FAM170A: variants seen among roughly 807,000 people sequenced by gnomAD.
FAM170A encodes family with sequence similarity 170 member A, also known as protein FAM170A.
A neutral mutation model predicts 36.6 loss-of-function variants in FAM170A; 28 were observed. The ratio of observed to expected loss-of-function variants is 0.76; its 90% CI spans 0.57 to 1.05. The LOEUF is 1.05. Among genes scored for constraint, FAM170A ranks in the 50% least tolerant of loss-of-function variants. The probability of loss-of-function intolerance (pLI) is 0.00; values close to 1 mark genes in which losing one functional copy is unlikely to be tolerated. For missense variants in FAM170A, 434 were observed against 396.5 expected (o/e 1.09, Z -0.80); for synonymous variants, 156 against 143.9 (o/e 1.08, Z -0.60).
intron 3 of FAM170A, 124 bp from the exon 4 acceptor site, chr5:119,634,904 C>G: frequency 7.5e-7 from 1 of 1,332,210 alleles, no homozygotes; most frequent in Non-Finnish European, 1.1e-6. Context: ...GCCTAGGCAT[C>G]TAATAAAGTC....
intron 1 of FAM170A, 105 bp downstream of exon 1, chr5:119,629,943 G>C (rs1026424831): frequency 1.1e-5 from 9 of 806,734 alleles, no homozygotes; most frequent in South Asian, 3.0e-5. Context: ...CCAGGCTGGA[G>C]TGCAGTGGCG....
chr5:119,633,949 T>G lies in FAM170A; in HGVS notation c.212-11T>G. 1 of 1,600,828 alleles carries G rather than the reference T, an allele frequency of 6.2e-7. No individual in the cohort carries two copies. Among genetic ancestry groups the G allele is most frequent in the East Asian group, 2.2e-5 (1 of 44,652 alleles). ...CATGCATCTGCTCATGTTTCTAATTTCCTTTCCCAGGAATCCAGAGAATAC... is the reference window on the plus strand; with the variant it reads ...CATGCATCTGCTCATGTTTCTAATTGCCTTTCCCAGGAATCCAGAGAATAC... On this transcript the variant is annotated splice_polypyrimidine_tract_variant and intron_variant, in intron 2 of 4. Coordinates refer to ENST00000613773, the Ensembl canonical transcript of FAM170A.
At chr5:119,629,941 G>A in intron 1 of FAM170A, 103 bp downstream of exon 1, 1 of 834,836 alleles carries the variant, frequency 1.2e-6, no homozygotes, top group Non-Finnish European at 1.9e-6. Flanking sequence ...GCCCAGGCTG[G>A]AGTGCAGTGG....
intron 1 of FAM170A, among the ~76,000 whole-genome samples, chr5:119,632,526 C>T (rs328699): frequency 0.78 from 119,026 of 152,196 alleles, 47,439 homozygotes; most frequent in African/African-American, 0.94. Flanking sequence ...TTCAGACGTA[C>T]TCATAGTCAC....
At chr5:119,634,093 C>T in exon 3 of FAM170A, 2 of 1,614,176 alleles carry the variant, frequency 1.2e-6, no homozygotes, top group Non-Finnish European at 1.7e-6. Flanking sequence ...CTTGTGTGTC[C>T]TCTCTGTGTG....
rs528739250 is a variant in FAM170A, at chr5:119,634,560, T to G, written c.812T>G (p.Met271Arg). The G allele has an allele frequency of 5.0e-5, 80 of 1,612,788 alleles. No individual in the cohort carries two copies. In the South Asian group the frequency reaches 6.0e-4, roughly 12 times the overall value. ...ACCATGGCTCAGCTGACAGGCAACATGGAATCAGAGAGCACCCAAGATGAG... is the reference window on the plus strand; with the variant it reads ...ACCATGGCTCAGCTGACAGGCAACAGGGAATCAGAGAGCACCCAAGATGAG... Residue 271 changes from methionine (M) to arginine (R), a missense_variant, in exon 3 of 5, where the codon ATG (methionine) becomes AGG (arginine). Met to Arg is a moderately conservative substitution (Grantham distance 91, BLOSUM62 -1). Transcript: ENST00000613773.
intron 1 of FAM170A, 80 bp from the exon 2 acceptor site, chr5:119,632,668 A>T: frequency 7.3e-7 from 1 of 1,361,802 alleles, no homozygotes. Flanking sequence ...TCAGCCACTC[A>T]GTAAATATTT....
chr5:119,633,880 A>C, intron 2 of FAM170A, 80 bp from the exon 3 acceptor site: 1 of 1,528,218 alleles, frequency 6.5e-7, no homozygotes. Context: ...TGTCTCCTGC[A>C]CCACACATAT....
chr5:119,632,965 G>A (rs944690588), intron 2 of FAM170A, 77 bp downstream of exon 2: 2 of 1,446,244 alleles, frequency 1.4e-6, no homozygotes, highest in Non-Finnish European at 1.9e-6. Context: ...TTGAGTGTGG[G>A]GCTCTGTGGG....
chr5:119,633,977 C>G lies in FAM170A; in HGVS notation c.229C>G (p.Arg77Gly), dbSNP rs745479291. ...TTTCCCAGGAATCCAGAGAATACAT[C>G]GAGACAGCCCCCAGCCTCAATCACC... Residue 77 changes from arginine (R) to glycine (G), a missense_variant, in exon 3 of 5, where the codon CGA becomes GGA. Transcript: ENST00000613773. The G allele has an allele frequency of 3.1e-6, 5 of 1,611,014 alleles. No homozygotes were observed. The East Asian group carries it at 1.1e-4, about 36-fold the overall frequency.
At chr5:119,634,344 A>G in exon 3 of FAM170A, 2 of 1,614,210 alleles carry the variant, frequency 1.2e-6, no homozygotes, top group Non-Finnish European at 1.7e-6. Context: ...GAAAGGACAG[A>G]ATCAGACAGC....
intron 1 of FAM170A, among the ~76,000 whole-genome samples, chr5:119,632,049 C>T (rs139653498): frequency 4.6e-5 from 7 of 152,054 alleles, no homozygotes; most frequent in South Asian, 2.1e-4. Flanking sequence ...AAATATTGCA[C>T]GGGACATACT....
In FAM170A at chr5:119,635,206, C is replaced by T. The variant is rs934160062; in HGVS notation, c.*52+120C>T. 3.1e-5 allele frequency: 21 copies of T among 672,684 alleles called. No individual in the cohort carries two copies. In the East Asian group the frequency reaches 4.0e-4, roughly 13 times the overall value. The allele number at this position is 672,684 out of a possible 1,614,324, so 41.7% of individuals were successfully genotyped here. On this transcript the variant is annotated intron_variant, in intron 4 of 4. Coordinates refer to ENST00000613773, the Ensembl canonical transcript of FAM170A. ...TGGCTCTGCAGCCACATCAACTTAT[C>T]GTGCACCTGGTGCTTCTGGGGGAAT... is the stretch of plus-strand genomic sequence containing the variant.
chr5:119,634,663 A>G (rs1561525201), exon 3 of FAM170A: 1 of 1,595,438 alleles, frequency 6.3e-7, no homozygotes, highest in Non-Finnish European at 8.5e-7. Context: ...AGCCCACAGA[A>G]GAAGACCTTG....
At chr5:119,630,806 A>G (rs2431370) in intron 1 of FAM170A, among the ~76,000 whole-genome samples, 52,714 of 152,176 alleles carry the variant, frequency 0.35, 9,944 homozygotes, top group Middle Eastern at 0.44. Context: ...GGAAGGTGTG[A>G]AGGGTGCTGG....
exon 3 of FAM170A, chr5:119,634,426 C>T (rs770042519): frequency 2.7e-5 from 43 of 1,614,140 alleles, no homozygotes; most frequent in East Asian, 8.9e-5. Flanking sequence ...CCATGGAGAA[C>T]GGCTTCAGGT....
chr5:119,629,686 C>A lies in FAM170A; in HGVS notation c.-83C>A. 9.6e-7 allele frequency: 1 copy of A among 1,045,544 alleles called. No homozygotes were observed. The highest frequency in any genetic ancestry group is 1.5e-6 in the Non-Finnish European group (1 of 682,762). The allele number at this position is 1,045,544 out of a possible 1,614,324, so 64.8% of individuals were successfully genotyped here. ...GTACTGAATCTTTTTAATGAATTTC[C>A]TGAGAGCCAAGAAGGGCCAATCTAC... On this transcript the variant is annotated 5_prime_UTR_variant, in exon 1 of 5. The change creates a new upstream start codon in the 5' untranslated region. Transcript: ENST00000613773.
chr5:119,632,959 G>T, intron 2 of FAM170A, 71 bp downstream of exon 2: 1 of 1,477,540 alleles, frequency 6.8e-7, no homozygotes, highest in South Asian at 1.4e-5. Flanking sequence ...AAATATTTGA[G>T]TGTGGGGCTC....
rs759779455 is a variant in FAM170A, at chr5:119,633,998, T to C, written c.250T>C (p.Ser84Pro). The change falls in exon 3 of 5, where the codon TCA becomes CCA. Residue 84 changes from serine (S) to proline (P), a missense_variant. By Grantham distance (74) the Ser-to-Pro change is moderately conservative. Transcript: ENST00000613773. ...ACATCGAGACAGCCCCCAGCCTCAA[T>C]CACCCCTGGCCCAGGTTCAGGAACG... is the stretch of plus-strand genomic sequence containing the variant. 35 of 1,613,642 alleles carry C rather than the reference T, an allele frequency of 2.2e-5. No individual in the cohort carries two copies. The highest frequency in any genetic ancestry group is 3.0e-5 in the Non-Finnish European group (35 of 1,179,836).
Sources: gnomAD v4.1 joint callset for allele counts (sites outside exome capture counted in the v4.1 genomes callset) on GRCh38, gnomAD v4.1.1 for gene constraint, MANE v1.5 for transcripts, NCBI Gene and HGNC (gene_info 2026-07-23, HGNC 2026-07-21) for gene names.